The following XRCC5 variants were observed in gnomAD, a reference collection of about 807,000 sequenced individuals.
XRCC5 encodes DNA repair protein Ku80.
Under a neutral mutation model 95.7 loss-of-function variants are expected in XRCC5, and 12 were observed. The ratio of observed to expected loss-of-function variants is 0.13; its 90% CI spans 0.08 to 0.20. The LOEUF (loss-of-function observed/expected upper bound fraction) is 0.20, where lower values mean the gene tolerates loss of function less well. Among genes scored for constraint, XRCC5 ranks in the 10% least tolerant of loss-of-function variants. The pLI, the probability that XRCC5 is intolerant of heterozygous loss-of-function variation, is 1.00. For missense variants in XRCC5, 595 were observed against 873.9 expected (o/e 0.68, Z 4.02); for synonymous variants, 281 against 290.3 (o/e 0.97, Z 0.33).
intron 1 of XRCC5, 126 bp from the exon 2 acceptor site, chr2:216,112,890 C>A: frequency 1.4e-6 from 1 of 693,758 alleles, no homozygotes; most frequent in Non-Finnish European, 2.5e-6. Flanking sequence ...TTATGTAGAA[C>A]ACATCCCTTT....
chr2:216,148,286 T>C lies in XRCC5; in HGVS notation c.1670+10T>C. Reference sequence around the variant, plus strand: ...AAATTTTCCAAGACAAGTAAGTACTTGGTATAGTTGCATTTAACATTGGGG... The same window carrying C: ...AAATTTTCCAAGACAAGTAAGTACTCGGTATAGTTGCATTTAACATTGGGG... On this transcript the variant is annotated intron_variant, in intron 14 of 20. Transcript: ENST00000392132. 6.2e-7 allele frequency: 1 copy of C among 1,600,492 alleles called. No individual in the cohort carries two copies. Among genetic ancestry groups the C allele is most frequent in the Non-Finnish European group, 8.5e-7 (1 of 1,175,938 alleles).
At chr2:216,136,935 A>G (rs1224342523) in intron 10 of XRCC5, among the ~76,000 whole-genome samples, 153 bp from the exon 11 acceptor site, 1 of 152,242 alleles carries the variant, frequency 6.6e-6, no homozygotes, top group Non-Finnish European at 1.5e-5. Flanking sequence ...AAATGTAATC[A>G]AAAGCAAATG....
intron 14 of XRCC5, among the ~76,000 whole-genome samples, chr2:216,149,296 TG>T (rs1363627294): frequency 6.6e-6 from 1 of 151,932 alleles, no homozygotes; most frequent in Admixed American, 6.6e-5. Context: ...TTGTCAGAAT[TG>T]AAAAAAAAAA....
chr2:216,155,031 G>T (rs1046450049), intron 14 of XRCC5, among the ~76,000 whole-genome samples: 1 of 151,224 alleles, frequency 6.6e-6, no homozygotes, highest in Non-Finnish European at 1.5e-5. Context: ...ATATATAAAA[G>T]CCTGGGCAAC....
chr2:216,179,251 T>G (rs551035775), intron 16 of XRCC5, among the ~76,000 whole-genome samples: 2 of 152,248 alleles, frequency 1.3e-5, no homozygotes, highest in Non-Finnish European at 2.9e-5. Flanking sequence ...TCCTTCTCTC[T>G]TAACAGGGGA....
intron 19 of XRCC5, among the ~76,000 whole-genome samples, chr2:216,198,352 C>G (rs1035431604): frequency 6.6e-6 from 1 of 152,140 alleles, no homozygotes; most frequent in Non-Finnish European, 1.5e-5. Context: ...GTAATTTTGA[C>G]TCACCTTCAG....
rs549427602 is a variant in XRCC5 at position 216,174,642 on chromosome 2, C to G, written c.1834+12594C>G. Among the ~76,000 whole-genome samples the G allele has an allele frequency of 2.6e-5, 4 of 152,272 alleles. No individual in the cohort carries two copies. In the South Asian group the frequency reaches 8.3e-4, roughly 32 times the overall value. On this transcript the variant is annotated intron_variant, in intron 16 of 20. Coordinates refer to ENST00000392132, the MANE Select transcript of XRCC5 (RefSeq NM_021141.4). ...ACAGATAAAAGAGCTCAGGAATGTA[C>G]GTCTAATCGACACTATATTGCATTC... is the stretch of plus-strand genomic sequence containing the variant.
chr2:216,141,937 C>T (rs964429837), intron 13 of XRCC5, among the ~76,000 whole-genome samples: 5 of 152,018 alleles, frequency 3.3e-5, no homozygotes, highest in Admixed American at 6.6e-5. Flanking sequence ...GCCTGTAATC[C>T]GAGCTTCTCA....
chr2:216,169,220 A>G (rs1451484697), intron 16 of XRCC5, among the ~76,000 whole-genome samples: 2 of 152,250 alleles, frequency 1.3e-5, no homozygotes, highest in Non-Finnish European at 2.9e-5. Context: ...AATATTCATG[A>G]AGGTGGTCCT....
At chr2:216,203,497 AG>A (rs1487720688) in intron 19 of XRCC5, among the ~76,000 whole-genome samples, 12 of 152,184 alleles carry the variant, frequency 7.9e-5, no homozygotes, top group African/African-American at 2.9e-4. Flanking sequence ...TTGGAGGGAC[AG>A]GATGGAAAAA....
chr2:216,183,282 A>G (rs1689424549), intron 16 of XRCC5, among the ~76,000 whole-genome samples: 1 of 152,172 alleles, frequency 6.6e-6, no homozygotes, highest in Non-Finnish European at 1.5e-5. Flanking sequence ...AAGACCTTGC[A>G]TTTACTCTGT....
At chr2:216,174,829 T>C (rs766023792) in intron 16 of XRCC5, 5 of 221,188 alleles carry the variant, frequency 2.3e-5, no homozygotes, top group African/African-American at 9.4e-5. Flanking sequence ...TCAAATAACC[T>C]GCAACTTTTG....
At chr2:216,147,346 G>A (rs766674648) in intron 13 of XRCC5, among the ~76,000 whole-genome samples, 3 of 152,124 alleles carry the variant, frequency 2.0e-5, no homozygotes, top group Non-Finnish European at 2.9e-5. Context: ...TGATGCGATC[G>A]AGGAGGCAAG....
chr2:216,193,638 T>G (rs1689660548), intron 18 of XRCC5, among the ~76,000 whole-genome samples: 1 of 152,216 alleles, frequency 6.6e-6, no homozygotes, highest in African/African-American at 2.4e-5. Flanking sequence ...CAAATCACTT[T>G]TGTGTCTCTG....
chr2:216,114,104 G>C (rs923074668), intron 2 of XRCC5, among the ~76,000 whole-genome samples: 13 of 152,270 alleles, frequency 8.5e-5, no homozygotes, highest in African/African-American at 2.6e-4. Flanking sequence ...CTGTCACATA[G>C]GGTAGTTTTG....
At chr2:216,128,921 G>T (rs1696936815) in intron 8 of XRCC5, among the ~76,000 whole-genome samples, 1 of 152,218 alleles carries the variant, frequency 6.6e-6, no homozygotes, top group Admixed American at 6.5e-5. Context: ...TTGGATCTAG[G>T]CCTGTACTGC....
intron 16 of XRCC5, among the ~76,000 whole-genome samples, chr2:216,182,116 C>G (rs922397631): frequency 4.6e-5 from 7 of 152,134 alleles, no homozygotes; most frequent in Admixed American, 3.9e-4. Flanking sequence ...GTGCTGCCTC[C>G]CCCTTGTCCA....
intron 8 of XRCC5, 126 bp downstream of exon 8, chr2:216,127,800 T>C (rs1159113418): frequency 2.4e-5 from 27 of 1,142,176 alleles, no homozygotes; most frequent in Non-Finnish European, 3.2e-5. Flanking sequence ...TATAACAGTT[T>C]GAAAGGATAA....
intron 14 of XRCC5, chr2:216,156,871 T>C (rs1272820873): frequency 5.7e-6 from 2 of 349,968 alleles, no homozygotes; most frequent in Non-Finnish European, 1.1e-5. Flanking sequence ...AATGCTGGGC[T>C]CGGTGCCCAC....
Sources: allele counts gnomAD v4.1 joint callset (sites outside exome capture counted in the v4.1 genomes callset), GRCh38; gene constraint gnomAD v4.1.1; transcripts MANE v1.5; gene names NCBI Gene and HGNC (gene_info 2026-07-23, HGNC 2026-07-21).